The following DGKB variants were observed in gnomAD, a reference collection of about 807,000 sequenced individuals.
DGKB encodes the protein 90 kDa diacylglycerol kinase.
In DGKB, 67 loss-of-function variants were observed where a neutral mutation model predicts 114.3. That is an observed-to-expected ratio of 0.59 (90% CI 0.48 to 0.72). DGKB has a LOEUF of 0.72. Ranked by LOEUF, DGKB falls within the 30% of genes least tolerant of loss-of-function variation. DGKB has a pLI of 0.00. For synonymous variants in DGKB, 398 were observed against 323.1 expected (o/e 1.23, Z -2.49); for missense variants, 907 against 975.2 (o/e 0.93, Z 0.93).
At chr7:14,895,219 T>C (rs1158206570) in intron 1 of DGKB, among the ~76,000 whole-genome samples, 1 of 151,634 alleles carries the variant, frequency 6.6e-6, no homozygotes, top group Non-Finnish European at 1.5e-5. Flanking sequence ...GGGAGTTATG[T>C]TTTTGACTGA....
intron 21 of DGKB, among the ~76,000 whole-genome samples, chr7:14,392,996 T>TTTTTG (rs1387881634): frequency 3.8e-5 from 1 of 26,406 alleles, no homozygotes; most frequent in African/African-American, 2.3e-4. Context: ...TTTGTTTTTG[T>TTTTTG]TTTTTTTTTT....
chr7:14,973,863 A>G (rs1787641624), intron 1 of DGKB, among the ~76,000 whole-genome samples: 1 of 148,144 alleles, frequency 6.8e-6, no homozygotes, highest in South Asian at 2.1e-4. Flanking sequence ...TTATTTTATA[A>G]TAATAAATTT....
At chr7:14,354,860 T>C (rs1814149095) in intron 21 of DGKB, among the ~76,000 whole-genome samples, 1 of 152,186 alleles carries the variant, frequency 6.6e-6, no homozygotes, top group Non-Finnish European at 1.5e-5. Flanking sequence ...TTATAGTAGA[T>C]AAAGTTGAGC....
chr7:14,736,628 A>G (rs950746957), intron 4 of DGKB, among the ~76,000 whole-genome samples: 4 of 152,138 alleles, frequency 2.6e-5, no homozygotes, highest in African/African-American at 9.7e-5. Context: ...AATTTTCCAT[A>G]TTTTTTGCTT....
chr7:14,364,672 G>A (rs553745736), intron 21 of DGKB, among the ~76,000 whole-genome samples: 15 of 151,834 alleles, frequency 9.9e-5, no homozygotes, highest in African/African-American at 3.6e-4. Flanking sequence ...TCACTGTTCT[G>A]CTTGCAAATG....
At chr7:14,150,848 CATTCATCATTT>C (rs1187417883) in intron 25 of DGKB, among the ~76,000 whole-genome samples, 3 of 152,052 alleles carry the variant, frequency 2.0e-5, no homozygotes, top group African/African-American at 7.2e-5. Context: ...AATACTGCAT[CATTCATCATTT>C]ATTCATTTCA....
chr7:14,278,465 T>C (rs73281248), intron 23 of DGKB, among the ~76,000 whole-genome samples: 7,702 of 152,236 alleles, frequency 0.051, 622 homozygotes, highest in African/African-American at 0.17. Flanking sequence ...ACTTGATCCC[T>C]ATCTCATACC....
At chr7:14,386,160 G>A (rs1176447004) in intron 21 of DGKB, among the ~76,000 whole-genome samples, 2 of 152,192 alleles carry the variant, frequency 1.3e-5, no homozygotes, top group Admixed American at 6.5e-5. Flanking sequence ...AGCTAGTGCT[G>A]TACGCCTGAA....
chr7:14,403,029 C>T (rs1298191172), intron 21 of DGKB, among the ~76,000 whole-genome samples: 1 of 151,880 alleles, frequency 6.6e-6, no homozygotes, highest in African/African-American at 2.4e-5. Context: ...ATAAACCTTG[C>T]CTTCTTTCTC....
At chr7:14,896,428 C>G (rs188391538) in intron 1 of DGKB, among the ~76,000 whole-genome samples, 1 of 151,420 alleles carries the variant, frequency 6.6e-6, no homozygotes, top group South Asian at 2.1e-4. Context: ...TGAAATCTTA[C>G]AAAGTGTTTA....
chr7:14,219,154 C>A (rs921687794), intron 23 of DGKB, among the ~76,000 whole-genome samples: 9 of 151,790 alleles, frequency 5.9e-5, no homozygotes, highest in African/African-American at 1.9e-4. Context: ...ACCATATTTT[C>A]TTTATCCATT....
intron 13 of DGKB, among the ~76,000 whole-genome samples, chr7:14,656,223 A>G (rs1288279122): frequency 6.6e-6 from 1 of 151,682 alleles, no homozygotes; most frequent in East Asian, 1.9e-4. Context: ...AATCATGTAA[A>G]TACAATTTTT....
intron 23 of DGKB, among the ~76,000 whole-genome samples, chr7:14,225,812 T>TA (rs1413595780): frequency 2.0e-5 from 3 of 151,992 alleles, no homozygotes; most frequent in Non-Finnish European, 2.9e-5. Context: ...AGTCTTTAAA[T>TA]ATAGTCAGTC....
chr7:14,679,210 C>T (rs915417142), intron 12 of DGKB, among the ~76,000 whole-genome samples: 7 of 151,008 alleles, frequency 4.6e-5, no homozygotes, highest in African/African-American at 7.4e-5. Context: ...GGTTTATGTG[C>T]ACCCAAATGT....
chr7:14,892,075 C>T (rs1372855308), intron 1 of DGKB, among the ~76,000 whole-genome samples: 1 of 151,256 alleles, frequency 6.6e-6, no homozygotes, highest in Non-Finnish European at 1.5e-5. Flanking sequence ...TATACTAGGT[C>T]TTCTTTGGAC....
intron 4 of DGKB, among the ~76,000 whole-genome samples, chr7:14,738,745 G>C (rs1348389858): frequency 1.3e-5 from 2 of 152,128 alleles, no homozygotes; most frequent in African/African-American, 4.8e-5. Flanking sequence ...TGTTGTCCTT[G>C]TTGCTGCTTT....
chr7:14,276,931 AT>A (rs1481329116), intron 23 of DGKB, among the ~76,000 whole-genome samples: 2 of 152,068 alleles, frequency 1.3e-5, no homozygotes, highest in Admixed American at 6.6e-5. Context: ...GATTTGACAT[AT>A]GTCTACAATG....
At chr7:14,740,647 TA>T (rs1832448281) in intron 4 of DGKB, among the ~76,000 whole-genome samples, 1 of 152,098 alleles carries the variant, frequency 6.6e-6, no homozygotes, top group Non-Finnish European at 1.5e-5. Flanking sequence ...TGAGCATGAC[TA>T]ATTCCTGCTG....
intron 13 of DGKB, among the ~76,000 whole-genome samples, chr7:14,631,161 G>C (rs181820238): frequency 1.3e-5 from 2 of 150,988 alleles, no homozygotes; most frequent in African/African-American, 2.4e-5. Flanking sequence ...CTGAGGGAGG[G>C]TCTGGGCAGT....
Sources: allele counts gnomAD v4.1 joint callset (sites outside exome capture counted in the v4.1 genomes callset), GRCh38; gene constraint gnomAD v4.1.1; transcripts MANE v1.5; gene names NCBI Gene and HGNC (gene_info 2026-07-23, HGNC 2026-07-21).